RANBP10: variants seen among roughly 807,000 people sequenced by gnomAD.
RANBP10 encodes the protein RAN binding protein 10, also known as ran-binding protein 10.
In RANBP10, 24 loss-of-function variants were observed where a neutral mutation model predicts 72.8. The ratio of observed to expected loss-of-function variants is 0.33; its 90% CI spans 0.24 to 0.46. The LOEUF is 0.46. Among genes scored for constraint, RANBP10 ranks in the 20% least tolerant of loss-of-function variants. The probability of loss-of-function intolerance (pLI) is 1.00; values close to 1 mark genes in which losing one functional copy is unlikely to be tolerated. For missense variants in RANBP10, 679 were observed against 817.5 expected, an observed-to-expected ratio of 0.83 and a Z score of 2.07; for synonymous variants, 310 against 322.3, an observed-to-expected ratio of 0.96 and a Z score of 0.41.
intron 3 of RANBP10, among the ~76,000 whole-genome samples, chr16:67,761,579 A>AT (rs1335828209): frequency 2.6e-5 from 4 of 151,798 alleles, no homozygotes; most frequent in African/African-American, 7.3e-5. Context: ...TTTATTTTTT[A>AT]TTTTTTTTGA....
Position 67,729,441 on chromosome 16 carries a change from C to G in RANBP10, c.1191G>C (p.Lys397Asn), listed in dbSNP as rs1274210210. ...PSCSNGVAST[K>N]SKQNHSKYPA... is the part of the protein sequence containing the mutation. ...GGTATTTACTGTGGTTCTGTTTGCT[C>G]TTGGTGGACGCGACGCCATTGCTAC... Residue 397 changes from lysine to asparagine, a missense_variant, in exon 10 of 14, where the codon AAG (lysine) becomes AAC (asparagine). Lys to Asn is a moderately conservative substitution (Grantham distance 94). Coordinates refer to ENST00000317506, the MANE Select transcript of RANBP10 (RefSeq NM_020850.3). The surrounding 1 kb of genome is among the most constrained non-coding windows in gnomAD (Gnocchi z 7.1). The G allele has an allele frequency of 6.2e-7, 1 of 1,613,620 alleles. No homozygotes were observed.
rs747344065 is a variant in RANBP10, at chr16:67,727,330, A to C, written c.1729T>G (p.Leu577Val). 6.2e-7 allele frequency: 1 copy of C among 1,607,046 alleles called. No homozygotes were observed. The highest frequency in any genetic ancestry group is 1.8e-5 in the Admixed American group (1 of 56,766). ...PVCAALNSAI[L>V]ESQNLPKQPP... ...AATAATAAATAGATTCACTCACCTA[A>C]AATGGCGCTGTTGAGGGCAGCACAC... is the stretch of plus-strand genomic sequence containing the variant. The change falls in exon 13 of 14, where the codon TTA becomes GTA. Residue 577 changes from leucine (L) to valine (V), a missense_variant. Physicochemically the swap from Leu to Val is conservative, Grantham distance 32. Transcript: ENST00000317506.
At chr16:67,777,166 C>T (rs373636302) in intron 2 of RANBP10, among the ~76,000 whole-genome samples, 5 of 151,436 alleles carry the variant, frequency 3.3e-5, no homozygotes, top group East Asian at 3.9e-4. Context: ...GCCAATACCG[C>T]AGCATTGCAC....
chr16:67,757,175 T>C (rs527917067), intron 3 of RANBP10, among the ~76,000 whole-genome samples: 4 of 152,192 alleles, frequency 2.6e-5, no homozygotes, highest in Non-Finnish European at 5.9e-5. Context: ...GCCATTGCAC[T>C]CCAGTCTCAC....
Position 67,727,798 on chromosome 16 carries a change from A to C in RANBP10, c.1573T>G (p.Leu525Val), listed in dbSNP as rs1326855499. 2.5e-6 allele frequency: 4 copies of C among 1,614,022 alleles called. No homozygotes were observed. In the Admixed American group the frequency reaches 6.7e-5, roughly 27 times the overall value. Reference protein sequence around the residue: ...GRELQALSEQLGREYGKNLAH... With the variant: ...GRELQALSEQVGREYGKNLAH... ...AAATTCTTGCCGTACTCCCGGCCCA[A>C]CTGCTCACTCAATGCCTGCAACTCG... Residue 525 changes from leucine (L) to valine (V), a missense_variant, in exon 12 of 14, where the codon TTG becomes GTG. By Grantham distance (32) the Leu-to-Val change is conservative (BLOSUM62 1). Coordinates refer to ENST00000317506, the MANE Select transcript of RANBP10 (RefSeq NM_020850.3).
chr16:67,790,079 G>C (rs1380826663), intron 2 of RANBP10, among the ~76,000 whole-genome samples: 5 of 150,892 alleles, frequency 3.3e-5, no homozygotes, highest in Admixed American at 3.3e-4. Context: ...CTGGGTGACA[G>C]AATGAGACTC....
At chr16:67,788,240 C>T (rs777084351) in intron 2 of RANBP10, among the ~76,000 whole-genome samples, 1 of 151,736 alleles carries the variant, frequency 6.6e-6, no homozygotes, top group Non-Finnish European at 1.5e-5. Flanking sequence ...TGTAGAGCCA[C>T]GCCTGGCCTC....
At chr16:67,748,668 T>G (rs1011058791) in intron 3 of RANBP10, among the ~76,000 whole-genome samples, 2 of 151,876 alleles carry the variant, frequency 1.3e-5, no homozygotes, top group African/African-American at 4.8e-5. Flanking sequence ...CACCAAGGTG[T>G]TAGAAAAGGG....
In RANBP10 at chr16:67,724,385, A is replaced by G. The variant is rs2053568696; in HGVS notation, c.*2043T>C. ...GTTTCCTTATTTGTAGCAAGAGAGG[A>G]ATGGGGGAGATGTTCACTGAACCCC... On this transcript the variant is annotated 3_prime_UTR_variant, in exon 14 of 14. Coordinates refer to ENST00000317506, the MANE Select transcript of RANBP10 (RefSeq NM_020850.3). 1 of 152,206 alleles carries G rather than the reference A, an allele frequency of 6.6e-6. No homozygotes were observed. Among genetic ancestry groups the G allele is most frequent in the Non-Finnish European group, 1.5e-5 (1 of 68,046 alleles). 9.4% of individuals were successfully genotyped at this position (152,206 alleles called of 1,614,324 possible).
intron 3 of RANBP10, among the ~76,000 whole-genome samples, chr16:67,768,585 A>G (rs895139359): frequency 3.3e-5 from 5 of 152,096 alleles, no homozygotes; most frequent in African/African-American, 1.2e-4. Flanking sequence ...GCATGGTGGC[A>G]TGTGCCGGTA....
intron 3 of RANBP10, among the ~76,000 whole-genome samples, chr16:67,765,943 T>C (rs1597878636): frequency 6.6e-6 from 1 of 151,930 alleles, no homozygotes; most frequent in South Asian, 2.1e-4. Context: ...GCCCAGGAGG[T>C]TGAGGCTGCA....
At chr16:67,767,581 G>A (rs1000061138) in intron 3 of RANBP10, among the ~76,000 whole-genome samples, 1 of 151,536 alleles carries the variant, frequency 6.6e-6, no homozygotes, top group African/African-American at 2.4e-5. Context: ...GGGCAACACA[G>A]GGAGACCTTG....
chr16:67,726,022 G>A lies in RANBP10; in HGVS notation c.*406C>T, dbSNP rs2053591703. The A allele has an allele frequency of 6.1e-6, 1 of 163,254 alleles. No individual in the cohort carries two copies. Among genetic ancestry groups the A allele is most frequent in the African/African-American group, 2.4e-5 (1 of 40,826 alleles). The allele number at this position is 163,254 out of a possible 1,614,324, so 10.1% of individuals were successfully genotyped here. A position where few individuals can be genotyped will look rare whatever the true frequency, so the allele number is the denominator to read the frequency against. The stretch of plus-strand genomic sequence containing the variant: ...TGTTTTTTACTTATGAAAATAATAA[G>A]CTATCACCAACTTGGATAGGCTTCA... On this transcript the variant is annotated 3_prime_UTR_variant, in exon 14 of 14. Coordinates refer to ENST00000317506, the MANE Select transcript of RANBP10 (RefSeq NM_020850.3).
chr16:67,728,518 G>C lies in RANBP10; in HGVS notation c.1353-7C>G. On this transcript the variant is annotated splice_region_variant and splice_polypyrimidine_tract_variant and intron_variant, in intron 10 of 13. Coordinates refer to ENST00000317506, the MANE Select transcript of RANBP10 (RefSeq NM_020850.3). Reference sequence around the variant, plus strand: ...CATCTCCATCTCACTGTCGCTGTGGGGAGGGGTTGAGGTGGGAGTTGGCCC... The same window carrying C: ...CATCTCCATCTCACTGTCGCTGTGGCGAGGGGTTGAGGTGGGAGTTGGCCC... 1 of 1,614,104 alleles carries C rather than the reference G, an allele frequency of 6.2e-7. No individual in the cohort carries two copies. Among genetic ancestry groups the C allele is most frequent in the Non-Finnish European group, 8.5e-7 (1 of 1,180,032 alleles).
intron 2 of RANBP10, among the ~76,000 whole-genome samples, chr16:67,801,981 G>C (rs777861639): frequency 6.6e-6 from 1 of 151,744 alleles, no homozygotes; most frequent in South Asian, 2.1e-4. Flanking sequence ...TATAGTCCCA[G>C]CTACTCAGGA....
chr16:67,789,215 C>T (rs1429897514), intron 2 of RANBP10, among the ~76,000 whole-genome samples: 2 of 148,476 alleles, frequency 1.3e-5, no homozygotes, highest in East Asian at 4.1e-4. Context: ...GAGGCTGAGG[C>T]AGGGGAATAG....
intron 2 of RANBP10, among the ~76,000 whole-genome samples, chr16:67,785,817 G>A (rs1056660322): frequency 1.3e-5 from 2 of 150,928 alleles, no homozygotes; most frequent in South Asian, 4.2e-4. Context: ...ACAAGGTCAG[G>A]AGATCGAGAC....
At chr16:67,802,123 A>C (rs969789417) in intron 2 of RANBP10, among the ~76,000 whole-genome samples, 2 of 151,720 alleles carry the variant, frequency 1.3e-5, no homozygotes, top group African/African-American at 4.9e-5. Flanking sequence ...CTACAAAAAA[A>C]GGGAAATGAG....
chr16:67,788,697 T>C (rs1467753747), intron 2 of RANBP10, among the ~76,000 whole-genome samples: 1 of 151,478 alleles, frequency 6.6e-6, no homozygotes, highest in East Asian at 2.0e-4. Flanking sequence ...CCCCCAAAAT[T>C]TTTTTTTAAA....
Sources: allele counts gnomAD v4.1 joint callset (sites outside exome capture counted in the v4.1 genomes callset), GRCh38; gene constraint gnomAD v4.1.1; non-coding constraint Gnocchi (gnomAD v3.1); transcripts MANE v1.5; gene names NCBI Gene and HGNC (gene_info 2026-07-23, HGNC 2026-07-21).